The following RGS6 variants were observed in gnomAD, a reference collection of about 807,000 sequenced individuals.
RGS6 encodes regulator of G protein signaling 6.
RGS6 carries 30 observed loss-of-function variants against 78.5 expected under a neutral mutation model. The observed-to-expected ratio is 0.38, with a 90% CI of 0.29 to 0.52. The LOEUF (loss-of-function observed/expected upper bound fraction) is 0.52, where lower values mean the gene tolerates loss of function less well. Among genes scored for constraint, RGS6 ranks in the 20% least tolerant of loss-of-function variants. The pLI is 0.85. For synonymous variants in RGS6, 206 were observed against 206.0 expected, an observed-to-expected ratio of 1.00 and a Z score of 0.00; for missense variants, 495 against 609.7, an observed-to-expected ratio of 0.81 and a Z score of 1.98.
chr14:71,997,754 A>T (rs1163109834), intron 2 of RGS6, among the ~76,000 whole-genome samples: 1 of 152,222 alleles, frequency 6.6e-6, no homozygotes, highest in African/African-American at 2.4e-5. Flanking sequence ...AGGTAGCAAT[A>T]GCTTTACTGT....
At chr14:72,140,076 G>A (rs1225407432) in intron 2 of RGS6, among the ~76,000 whole-genome samples, 1 of 150,252 alleles carries the variant, frequency 6.7e-6, no homozygotes, top group Non-Finnish European at 1.5e-5. Context: ...TATTTTGATG[G>A]AATTGGCCCA....
At chr14:72,239,635 G>T (rs2052224118) in intron 2 of RGS6, among the ~76,000 whole-genome samples, 1 of 152,178 alleles carries the variant, frequency 6.6e-6, no homozygotes, top group Admixed American at 6.5e-5. Context: ...GGATCAGGAA[G>T]CTGCTTCTTG....
At chr14:72,125,817 CCAA>C (rs539319601) in intron 2 of RGS6, among the ~76,000 whole-genome samples, 43 of 152,184 alleles carry the variant, frequency 2.8e-4, no homozygotes, top group East Asian at 1.2e-3. Flanking sequence ...CAAAAGTCAA[CCAA>C]CAGACATTCA....
chr14:72,358,264 G>GC (rs1215450927), intron 3 of RGS6, among the ~76,000 whole-genome samples: 1 of 152,212 alleles, frequency 6.6e-6, no homozygotes, highest in African/African-American at 2.4e-5. Flanking sequence ...TGGGGTTGGA[G>GC]TCCCCACACA....
intron 2 of RGS6, among the ~76,000 whole-genome samples, chr14:72,311,248 G>T (rs2068544248): frequency 6.6e-6 from 1 of 152,182 alleles, no homozygotes; most frequent in South Asian, 2.1e-4. Flanking sequence ...TGTACTGCTG[G>T]TTCTGCCTGT....
At chr14:72,232,973 G>T (rs2050038268) in intron 2 of RGS6, among the ~76,000 whole-genome samples, 1 of 152,168 alleles carries the variant, frequency 6.6e-6, no homozygotes, top group Non-Finnish European at 1.5e-5. Context: ...AGGGAGCGTT[G>T]TCTGAGGGGA....
intron 2 of RGS6, among the ~76,000 whole-genome samples, chr14:72,046,583 C>T (rs187496166): frequency 1.9e-4 from 29 of 151,708 alleles, no homozygotes; most frequent in South Asian, 6.3e-4. Flanking sequence ...TTCTTCCTCC[C>T]CTGCTCCTCT....
intron 3 of RGS6, among the ~76,000 whole-genome samples, chr14:72,380,931 A>G (rs1315091811): frequency 6.6e-6 from 1 of 152,130 alleles, no homozygotes; most frequent in East Asian, 1.9e-4. Context: ...GTGTCCAACA[A>G]TAGATGGATG....
At chr14:72,547,317 T>G in intron 17 of RGS6, 1 of 1,535,248 alleles carries the variant, frequency 6.5e-7, no homozygotes, top group Non-Finnish European at 8.7e-7. Flanking sequence ...GACTGGAAAG[T>G]TCAAAGAGAA....
chr14:72,086,829 A>T (rs1200682436), intron 2 of RGS6, among the ~76,000 whole-genome samples: 1 of 152,220 alleles, frequency 6.6e-6, no homozygotes, highest in South Asian at 2.1e-4. Context: ...GAAGCATGGG[A>T]TAACAAATGT....
intron 2 of RGS6, among the ~76,000 whole-genome samples, chr14:72,159,762 C>G (rs1314238852): frequency 1.3e-5 from 2 of 152,082 alleles, no homozygotes; most frequent in East Asian, 1.9e-4. Flanking sequence ...TCTCCCTATT[C>G]TCCAGAGTGG....
chr14:71,883,477 A>G, the RGS6 span, among the ~76,000 whole-genome samples: 1 of 152,228 alleles, frequency 6.6e-6, no homozygotes, highest in African/African-American at 2.4e-5. Flanking sequence ...CTGTCCTTAG[A>G]CAACCCTCAG....
At chr14:71,911,235 G>A in the RGS6 span, among the ~76,000 whole-genome samples, 1 of 152,116 alleles carries the variant, frequency 6.6e-6, no homozygotes, top group Non-Finnish European at 1.5e-5. Flanking sequence ...TGACCACAAT[G>A]GCTTAATTCC....
chr14:72,159,866 T>A (rs781369947), intron 2 of RGS6, among the ~76,000 whole-genome samples: 11 of 152,228 alleles, frequency 7.2e-5, no homozygotes, highest in Admixed American at 5.9e-4. Flanking sequence ...AGGAAGATAT[T>A]ATTAACATGA....
chr14:72,209,893 C>A (rs1206722331), intron 2 of RGS6, among the ~76,000 whole-genome samples: 2 of 152,180 alleles, frequency 1.3e-5, no homozygotes, highest in African/African-American at 4.8e-5. Context: ...AAACAATCTA[C>A]ATAAGTAGAC....
At chr14:72,137,004 A>G (rs1439325627) in intron 2 of RGS6, among the ~76,000 whole-genome samples, 2 of 152,140 alleles carry the variant, frequency 1.3e-5, no homozygotes, top group East Asian at 1.9e-4. Flanking sequence ...TTTCATTCCA[A>G]TCTTCCTCAG....
chr14:72,533,671 T>C (rs939215784), intron 15 of RGS6, among the ~76,000 whole-genome samples: 2 of 152,196 alleles, frequency 1.3e-5, no homozygotes, highest in Admixed American at 6.5e-5. Flanking sequence ...TTGGAAGAAG[T>C]TGATTCCAGC....
chr14:72,510,054 G>T, intron 13 of RGS6, 100 bp from the exon 14 acceptor site: 1 of 1,341,000 alleles, frequency 7.5e-7, no homozygotes, highest in Non-Finnish European at 1.0e-6. Flanking sequence ...GTTTCCCTTT[G>T]GTGAGTGACT....
chr14:72,008,900 T>C (rs1567010042), intron 2 of RGS6, among the ~76,000 whole-genome samples: 1 of 152,304 alleles, frequency 6.6e-6, no homozygotes, highest in East Asian at 1.9e-4. Context: ...CATCCAGGAA[T>C]TTGGATTTAG....
Sources: gnomAD v4.1 joint callset for allele counts (sites outside exome capture counted in the v4.1 genomes callset) on GRCh38, gnomAD v4.1.1 for gene constraint, MANE v1.5 for transcripts, NCBI Gene and HGNC (gene_info 2026-07-23, HGNC 2026-07-21) for gene names.